The following DOCK5 variants were observed in gnomAD, a reference collection of about 807,000 sequenced individuals.
DOCK5 encodes dedicator of cytokinesis protein 5.
Under a neutral mutation model 251.8 loss-of-function variants are expected in DOCK5, and 142 were observed. The ratio of observed to expected loss-of-function variants is 0.56; its 90% CI spans 0.49 to 0.65. DOCK5 has a LOEUF of 0.65. Among genes scored for constraint, DOCK5 ranks in the 30% least tolerant of loss-of-function variants. The probability of loss-of-function intolerance (pLI) is 0.00; values close to 1 mark genes in which losing one functional copy is unlikely to be tolerated. For synonymous variants in DOCK5, 842 were observed against 835.5 expected (o/e 1.01, Z -0.13); for missense variants, 2,111 against 2,312.3 (o/e 0.91, Z 1.79).
chr8:25,222,431 G>T (rs1802415346), intron 1 of DOCK5, among the ~76,000 whole-genome samples: 1 of 152,106 alleles, frequency 6.6e-6, no homozygotes, highest in South Asian at 2.1e-4. Flanking sequence ...GAGTCAGGTG[G>T]CCTGAACCGG....
At chr8:25,351,026 C>T (rs993357183) in intron 26 of DOCK5, among the ~76,000 whole-genome samples, 3 of 152,096 alleles carry the variant, frequency 2.0e-5, no homozygotes, top group African/African-American at 7.2e-5. Context: ...ACACATGTGC[C>T]TAATTGACCT....
At chr8:25,362,738 C>T (rs1395024080) in intron 28 of DOCK5, among the ~76,000 whole-genome samples, 1 of 152,066 alleles carries the variant, frequency 6.6e-6, no homozygotes, top group Non-Finnish European at 1.5e-5. Flanking sequence ...ACACCCAACC[C>T]TCCTTCCTAC....
intron 9 of DOCK5, among the ~76,000 whole-genome samples, chr8:25,302,123 C>G (rs536558523): frequency 6.6e-6 from 1 of 152,318 alleles, no homozygotes; most frequent in South Asian, 2.1e-4. Flanking sequence ...CAAAAAAGCA[C>G]TTGTTTACAA....
intron 1 of DOCK5, among the ~76,000 whole-genome samples, chr8:25,227,630 T>TA (rs1802563255): frequency 6.6e-6 from 1 of 152,186 alleles, no homozygotes; most frequent in Admixed American, 6.5e-5. Context: ...TTTTCCTTCT[T>TA]ATGACGTTTT....
chr8:25,253,051 T>A (rs1323825470), intron 2 of DOCK5, among the ~76,000 whole-genome samples: 1 of 152,206 alleles, frequency 6.6e-6, no homozygotes, highest in Non-Finnish European at 1.5e-5. Context: ...CTCAAACTCC[T>A]GGCCTCATGT....
At chr8:25,379,465 C>T (rs1801025418) in intron 38 of DOCK5, among the ~76,000 whole-genome samples, 1 of 152,134 alleles carries the variant, frequency 6.6e-6, no homozygotes, top group Admixed American at 6.6e-5. Context: ...ACCCCGCAGG[C>T]AGTCAGACCT....
intron 1 of DOCK5, among the ~76,000 whole-genome samples, chr8:25,188,793 GA>G (rs1257322347): frequency 1.3e-5 from 2 of 151,802 alleles, no homozygotes; most frequent in East Asian, 1.9e-4. Context: ...TGGAGACGTG[GA>G]AAATGTGCTT....
At chr8:25,319,789 C>T in intron 15 of DOCK5, 113 bp downstream of exon 15, 1 of 689,604 alleles carries the variant, frequency 1.5e-6, no homozygotes, top group South Asian at 2.0e-5. Flanking sequence ...AGATAAGTTG[C>T]CTATGGTGTG....
At chr8:25,366,492 A>G (rs1800776788) in intron 30 of DOCK5, among the ~76,000 whole-genome samples, 1 of 152,190 alleles carries the variant, frequency 6.6e-6, no homozygotes. Context: ...GGATCAAACA[A>G]CAACAACAAA....
rs552223116 is a variant in DOCK5, at chr8:25,377,532, A to G, written c.3936+108A>G. On this transcript the variant is annotated intron_variant, in intron 38 of 51. Coordinates refer to ENST00000276440, the MANE Select transcript of DOCK5 (RefSeq NM_024940.8). ...GAGTTAGCACTGACTACCCAGGTTC[A>G]GGGCACTGTCTCCAACGAGACTGCC... is the stretch of plus-strand genomic sequence containing the variant. The G allele has an allele frequency of 7.3e-5, 100 of 1,373,434 alleles. No individual in the cohort carries two copies. In the East Asian group the frequency reaches 2.2e-3, roughly 30 times the overall value. The allele number at this position is 1,373,434 out of a possible 1,614,324, so 85.1% of individuals were successfully genotyped here.
At chr8:25,351,431 T>C (rs1367593505) in intron 26 of DOCK5, 1 of 322,584 alleles carries the variant, frequency 3.1e-6, no homozygotes, top group Non-Finnish European at 5.8e-6. Context: ...CCAAAACTAT[T>C]TGTTGAGTCA....
At chr8:25,397,909 T>C (rs1801374829) in intron 45 of DOCK5, among the ~76,000 whole-genome samples, 1 of 152,236 alleles carries the variant, frequency 6.6e-6, no homozygotes, top group Admixed American at 6.5e-5. Context: ...TTAATATGTA[T>C]GACTGCACAT....
At chr8:25,373,978 C>T (rs1800919626) in intron 36 of DOCK5, among the ~76,000 whole-genome samples, 1 of 152,154 alleles carries the variant, frequency 6.6e-6, no homozygotes, top group Admixed American at 6.5e-5. Context: ...GTCTGCGAAT[C>T]CCTGAACATG....
chr8:25,407,104 A>G (rs1420704960), intron 48 of DOCK5, among the ~76,000 whole-genome samples: 1 of 152,154 alleles, frequency 6.6e-6, no homozygotes, highest in Non-Finnish European at 1.5e-5. Context: ...TATGTATGTA[A>G]CTTGTATCAG....
At chr8:25,347,774 A>G (rs1455223486) in intron 26 of DOCK5, among the ~76,000 whole-genome samples, 2 of 152,204 alleles carry the variant, frequency 1.3e-5, no homozygotes, top group African/African-American at 2.4e-5. Flanking sequence ...CAAATATCTC[A>G]GTGCCTCAGT....
chr8:25,314,842 C>G (rs1805200434), intron 13 of DOCK5, among the ~76,000 whole-genome samples: 1 of 147,406 alleles, frequency 6.8e-6, no homozygotes, highest in African/African-American at 2.5e-5. Context: ...TTATAACTCA[C>G]ATAAATTAGT....
intron 18 of DOCK5, among the ~76,000 whole-genome samples, chr8:25,330,697 G>C (rs1805661893): frequency 6.6e-6 from 1 of 152,150 alleles, no homozygotes; most frequent in Non-Finnish European, 1.5e-5. Context: ...ACACCCTCAA[G>C]AAGGACTTTG....
chr8:25,204,283 G>A lies in DOCK5; in HGVS notation c.43+19332G>A, dbSNP rs190163918. Among the ~76,000 whole-genome samples, 7 of 152,172 alleles carry A rather than the reference G, an allele frequency of 4.6e-5. No homozygotes were observed. The East Asian group carries it at 9.7e-4, about 21-fold the overall frequency. ...CAAGAAATTTTTTAAAATTTTAGGGGCATTTAGGTTTTTGGGGGATAGTGC... is the reference window on the plus strand; with the variant it reads ...CAAGAAATTTTTTAAAATTTTAGGGACATTTAGGTTTTTGGGGGATAGTGC... On this transcript the variant is annotated intron_variant, in intron 1 of 51. Coordinates refer to ENST00000276440, the MANE Select transcript of DOCK5 (RefSeq NM_024940.8).
At chr8:25,223,322 T>A (rs1253371162) in intron 1 of DOCK5, among the ~76,000 whole-genome samples, 1 of 152,104 alleles carries the variant, frequency 6.6e-6, no homozygotes, top group Non-Finnish European at 1.5e-5. Context: ...CTTTATTTAT[T>A]TATTTATTAA....
Sources: allele counts gnomAD v4.1 joint callset (sites outside exome capture counted in the v4.1 genomes callset), GRCh38; gene constraint gnomAD v4.1.1; transcripts MANE v1.5; gene names NCBI Gene and HGNC (gene_info 2026-07-23, HGNC 2026-07-21).